The following DYSF variants were observed in gnomAD, a reference collection of about 807,000 sequenced individuals.
DYSF encodes the protein dystrophy-associated fer-1-like 1.
Under a neutral mutation model 274.9 loss-of-function variants are expected in DYSF, and 212 were observed. That is an observed-to-expected ratio of 0.77 (90% CI 0.69 to 0.86). DYSF has a LOEUF of 0.86. Among genes scored for constraint, DYSF ranks in the 40% least tolerant of loss-of-function variants. The pLI, the probability that DYSF is intolerant of heterozygous loss-of-function variation, is 0.00. For synonymous variants in DYSF, 1,091 were observed against 1,078.7 expected (o/e 1.01, Z -0.22); for missense variants, 2,666 against 2,783.2 (o/e 0.96, Z 0.95).
intron 41 of DYSF, among the ~76,000 whole-genome samples, chr2:71,643,482 G>A (rs1400561876): frequency 6.6e-6 from 1 of 152,210 alleles, no homozygotes; most frequent in East Asian, 1.9e-4. Flanking sequence ...TGCCTGGGTA[G>A]GGAGGCAGAT....
chr2:71,492,172 C>G (rs1181761985), intron 3 of DYSF, among the ~76,000 whole-genome samples: 1 of 152,206 alleles, frequency 6.6e-6, no homozygotes, highest in African/African-American at 2.4e-5. Context: ...TTTCTCTAGA[C>G]TGAAGTGGAA....
chr2:71,672,789 A>T (rs2095152209), intron 51 of DYSF, among the ~76,000 whole-genome samples: 1 of 152,206 alleles, frequency 6.6e-6, no homozygotes, highest in African/African-American at 2.4e-5. Flanking sequence ...AAAGCTCGCC[A>T]GAGGAGGGAG....
chr2:71,652,287 A>G lies in DYSF; in HGVS notation c.4627-3875A>G, dbSNP rs117434843. ...TGGTCCATATCTTCTAACCATTTCAATGTCAACAAAAAGAAACGGGTCGTT... is the reference window on the plus strand; with the variant it reads ...TGGTCCATATCTTCTAACCATTTCAGTGTCAACAAAAAGAAACGGGTCGTT... On this transcript the variant is annotated intron_variant, in intron 42 of 55. Coordinates refer to ENST00000410020, the MANE Select transcript of DYSF (RefSeq NM_001130987.2). Among the ~76,000 whole-genome samples, 145 of 152,334 alleles carry G rather than the reference A, an allele frequency of 9.5e-4. 2 individuals carry two copies. The East Asian group carries it at 0.027, about 28-fold the overall frequency.
intron 1 of DYSF, among the ~76,000 whole-genome samples, chr2:71,455,736 C>T (rs1239874386): frequency 6.6e-6 from 1 of 152,134 alleles, no homozygotes; most frequent in Non-Finnish European, 1.5e-5. Flanking sequence ...CATTTATAGC[C>T]CCTGAACCTG....
chr2:71,461,537 A>C (rs767297534), intron 1 of DYSF, among the ~76,000 whole-genome samples: 5 of 152,256 alleles, frequency 3.3e-5, no homozygotes, highest in African/African-American at 4.8e-5. Flanking sequence ...TCTGGGCTTC[A>C]TCCCAAGAGC....
intron 36 of DYSF, among the ~76,000 whole-genome samples, chr2:71,606,454 C>T (rs2093649270): frequency 6.6e-6 from 1 of 152,144 alleles, no homozygotes; most frequent in Non-Finnish European, 1.5e-5. Flanking sequence ...TCAGTCTACA[C>T]CCCATCTGCC....
chr2:71,532,835 T>C (rs2088894386), intron 14 of DYSF, among the ~76,000 whole-genome samples: 1 of 94,204 alleles, frequency 1.1e-5, no homozygotes, highest in South Asian at 3.9e-4. Context: ...ATTTATTCTA[T>C]CTATCTATCT....
At chr2:71,493,932 T>C in intron 3 of DYSF, among the ~76,000 whole-genome samples, 1 of 150,340 alleles carries the variant, frequency 6.7e-6, no homozygotes, top group East Asian at 2.0e-4. Context: ...GAGGATTACA[T>C]AATTATTTTG....
intron 46 of DYSF, 102 bp downstream of exon 46, chr2:71,664,540 G>C (rs2094960815): frequency 1.4e-6 from 2 of 1,437,362 alleles, no homozygotes; most frequent in South Asian, 2.4e-5. Flanking sequence ...GCCAGCCCTG[G>C]GCTTAGCACT....
intron 13 of DYSF, among the ~76,000 whole-genome samples, chr2:71,526,690 CTG>C (rs1194940163): frequency 3.3e-5 from 5 of 152,260 alleles, no homozygotes; most frequent in African/African-American, 7.2e-5. Context: ...TTCCCTCCCT[CTG>C]TGAGGAAGCC....
At chr2:71,481,249 T>C (rs2082865640) in intron 2 of DYSF, among the ~76,000 whole-genome samples, 1 of 152,208 alleles carries the variant, frequency 6.6e-6, no homozygotes, top group Admixed American at 6.5e-5. Context: ...AGGCTGTTCC[T>C]TTTTCCTTGC....
At chr2:71,526,973 G>T (rs569754629) in intron 13 of DYSF, among the ~76,000 whole-genome samples, 1 of 152,254 alleles carries the variant, frequency 6.6e-6, no homozygotes, top group Non-Finnish European at 1.5e-5. Flanking sequence ...CCACTGCCTG[G>T]TTTCTCACAG....
chr2:71,678,130 A>G (rs559936362), intron 52 of DYSF, among the ~76,000 whole-genome samples: 1 of 152,194 alleles, frequency 6.6e-6, no homozygotes, highest in Non-Finnish European at 1.5e-5. Context: ...TTTCATATAT[A>G]CTTTGTAAGC....
chr2:71,537,223 GTTTTTTTTTTTT>G (rs71402990), intron 16 of DYSF, among the ~76,000 whole-genome samples: 3 of 79,626 alleles, frequency 3.8e-5, no homozygotes, highest in Non-Finnish European at 7.1e-5. Context: ...TTCTAGTTTT[GTTTTTTTTTTTT>G]TTTTTTTTTT....
intron 41 of DYSF, among the ~76,000 whole-genome samples, chr2:71,633,906 G>A (rs181014774): frequency 2.6e-5 from 4 of 152,086 alleles, no homozygotes; most frequent in Admixed American, 6.5e-5. Flanking sequence ...TTTTCCACCC[G>A]TATTCATGAA....
chr2:71,646,424 A>G (rs1386812881), intron 42 of DYSF, among the ~76,000 whole-genome samples: 1 of 152,228 alleles, frequency 6.6e-6, no homozygotes, highest in Non-Finnish European at 1.5e-5. Flanking sequence ...TAGGCTGTCC[A>G]AAGCAAAATG....
At chr2:71,524,232 A>G (rs964748155) in intron 12 of DYSF, among the ~76,000 whole-genome samples, 2 of 152,192 alleles carry the variant, frequency 1.3e-5, no homozygotes, top group Admixed American at 6.5e-5. Context: ...GCCACCACCC[A>G]GCCCTTTGGT....
intron 1 of DYSF, among the ~76,000 whole-genome samples, chr2:71,473,174 C>A (rs1452565108): frequency 6.6e-6 from 1 of 152,120 alleles, no homozygotes. Context: ...CCTGAGAACA[C>A]CATGGCAGGG....
At chr2:71,524,829 G>C (rs929990377) in intron 12 of DYSF, among the ~76,000 whole-genome samples, 2 of 152,206 alleles carry the variant, frequency 1.3e-5, no homozygotes, top group East Asian at 3.9e-4. Context: ...CCTCAGTATA[G>C]TTACAAGCCC....
Sources: allele counts gnomAD v4.1 joint callset (sites outside exome capture counted in the v4.1 genomes callset), GRCh38; gene constraint gnomAD v4.1.1; transcripts MANE v1.5; gene names NCBI Gene and HGNC (gene_info 2026-07-23, HGNC 2026-07-21).